GNG12: variants seen among roughly 807,000 people sequenced by gnomAD.
The protein encoded by GNG12 is G protein subunit gamma 12.
For synonymous variants in GNG12, 28 were observed against 29.7 expected, an observed-to-expected ratio of 0.94 and a Z score of 0.19; for missense variants, 69 against 83.8, an observed-to-expected ratio of 0.82 and a Z score of 0.69.
chr1:67,781,412 T>C (rs181750351), intron 1 of GNG12, among the ~76,000 whole-genome samples: 37 of 152,316 alleles, frequency 2.4e-4, no homozygotes, highest in Non-Finnish European at 5.3e-4. Context: ...CTAGGGATGG[T>C]TGTAGGTGCT....
chr1:67,813,830 CAATT>C (rs1212240783), intron 1 of GNG12, among the ~76,000 whole-genome samples: 33 of 151,964 alleles, frequency 2.2e-4, no homozygotes, highest in Middle Eastern at 3.4e-3. Context: ...AATTAAGTTC[CAATT>C]AATTAAAATG....
chr1:67,749,895 C>T (rs184083158), intron 2 of GNG12, among the ~76,000 whole-genome samples: 7 of 152,338 alleles, frequency 4.6e-5, no homozygotes, highest in Admixed American at 2.6e-4. Flanking sequence ...CTCTGCCTCT[C>T]AGGTGCTGAG....
At chr1:67,748,586 A>T (rs1646520240) in intron 2 of GNG12, among the ~76,000 whole-genome samples, 1 of 152,092 alleles carries the variant, frequency 6.6e-6, no homozygotes, top group Non-Finnish European at 1.5e-5. Flanking sequence ...TTTTATTCGC[A>T]CCCTCTAAGA....
At chr1:67,824,237 C>A (rs554172272) in intron 1 of GNG12, among the ~76,000 whole-genome samples, 1 of 151,988 alleles carries the variant, frequency 6.6e-6, no homozygotes. Flanking sequence ...GGGCTGGGCA[C>A]GGTGGATCAG....
chr1:67,715,689 G>A (rs1238663359), intron 2 of GNG12, among the ~76,000 whole-genome samples: 5 of 152,100 alleles, frequency 3.3e-5, no homozygotes, highest in African/African-American at 7.2e-5. Flanking sequence ...GGACTGTATC[G>A]TGGGCCTGCT....
At chr1:67,830,671 C>G (rs571541257) in intron 1 of GNG12, among the ~76,000 whole-genome samples, 1 of 152,208 alleles carries the variant, frequency 6.6e-6, no homozygotes, top group Non-Finnish European at 1.5e-5. Context: ...GTCAAAATTA[C>G]TATGCAACTG....
chr1:67,703,428 T>C lies in GNG12; in HGVS notation c.*2023A>G, dbSNP rs989827856. 9 of 152,304 alleles carry C rather than the reference T, an allele frequency of 5.9e-5. No homozygotes were observed. Among genetic ancestry groups the C allele is most frequent in the Admixed American group, 5.2e-4 (8 of 15,300 alleles). 9.4% of individuals were successfully genotyped at this position (152,304 alleles called of 1,614,324 possible). A position where few individuals can be genotyped will look rare whatever the true frequency, so the allele number is the denominator to read the frequency against. On this transcript the variant is annotated 3_prime_UTR_variant, in exon 4 of 4. Transcript: ENST00000370982. ...AAATATTTTGAAAGAAGCTACATTA[T>C]AAATATTTAAAGAAACGTTAAAAAT...
intron 1 of GNG12, among the ~76,000 whole-genome samples, chr1:67,798,844 C>T (rs533664582): frequency 9.1e-4 from 138 of 152,182 alleles, no homozygotes; most frequent in African/African-American, 3.2e-3. Flanking sequence ...GTCCCAGCTA[C>T]TCGGGAGGCT....
intron 1 of GNG12, among the ~76,000 whole-genome samples, chr1:67,783,122 G>A (rs973703483): frequency 3.3e-5 from 5 of 152,114 alleles, no homozygotes; most frequent in South Asian, 2.1e-4. Context: ...CCACTAGGAC[G>A]AACTCCATGA....
intron 2 of GNG12, among the ~76,000 whole-genome samples, chr1:67,736,948 G>A (rs1450608728): frequency 6.6e-6 from 1 of 152,210 alleles, no homozygotes; most frequent in East Asian, 1.9e-4. Flanking sequence ...TTTTGCAGAT[G>A]TGTAAACTGA....
At chr1:67,771,497 T>C (rs974499370) in intron 2 of GNG12, among the ~76,000 whole-genome samples, 1 of 152,248 alleles carries the variant, frequency 6.6e-6, no homozygotes, top group African/African-American at 2.4e-5. Flanking sequence ...GCAAAACTTT[T>C]GCGACTGAAG....
At chr1:67,800,993 T>C (rs1192053861) in intron 1 of GNG12, among the ~76,000 whole-genome samples, 1 of 150,426 alleles carries the variant, frequency 6.6e-6, no homozygotes, top group Non-Finnish European at 1.5e-5. Flanking sequence ...CTAGGAGACC[T>C]TTTCGTTTGA....
intron 1 of GNG12, among the ~76,000 whole-genome samples, chr1:67,825,533 A>T (rs2246684): frequency 0.29 from 44,030 of 152,048 alleles, 6,515 homozygotes; most frequent in Admixed American, 0.35. Flanking sequence ...TAAAAAAGCA[A>T]GAAAGTAGTA....
At chr1:67,737,040 A>C (rs1011727820) in intron 2 of GNG12, among the ~76,000 whole-genome samples, 1 of 152,252 alleles carries the variant, frequency 6.6e-6, no homozygotes, top group African/African-American at 2.4e-5. Flanking sequence ...AGAATTGTGG[A>C]TATTCAGATG....
intron 1 of GNG12, among the ~76,000 whole-genome samples, chr1:67,819,392 G>A (rs145602363): frequency 2.7e-4 from 41 of 152,294 alleles, no homozygotes; most frequent in African/African-American, 8.7e-4. Context: ...AAATTCTACA[G>A]ACTGTGATCT....
At chr1:67,758,703 T>C (rs148196173) in intron 2 of GNG12, among the ~76,000 whole-genome samples, 22 of 152,290 alleles carry the variant, frequency 1.4e-4, no homozygotes, top group Non-Finnish European at 2.4e-4. Context: ...GAGAAAAACA[T>C]GAAGCAAATA....
chr1:67,792,433 G>T (rs1453973101), intron 1 of GNG12, among the ~76,000 whole-genome samples: 1 of 152,172 alleles, frequency 6.6e-6, no homozygotes, highest in Non-Finnish European at 1.5e-5. Context: ...GATAAGGCAT[G>T]ATTTTTAAAC....
Position 67,705,477 on chromosome 1 carries a change from C to T in GNG12, c.193G>A (p.Asp65Asn). ...TATAAGATGATGCAAGTTTTTTTAT[C>T]CTTGAAAGGGTTTTCTGAAGTTGGT... is the stretch of plus-strand genomic sequence containing the variant. ...GIPTSENPFK[D>N]KKTCIIL Residue 65 changes from aspartate to asparagine, a missense_variant, in exon 4 of 4, where the codon GAT becomes AAT. Asp to Asn is a conservative substitution (Grantham distance 23, BLOSUM62 1). Coordinates refer to ENST00000370982, the MANE Select transcript of GNG12 (RefSeq NM_018841.6). The T allele has an allele frequency of 6.2e-7, 1 of 1,613,922 alleles. No homozygotes were observed. The highest frequency in any genetic ancestry group is 8.5e-7 in the Non-Finnish European group (1 of 1,179,922).
Position 67,830,838 on chromosome 1 carries a change from G to A in GNG12, c.-77+2506C>T, listed in dbSNP as rs150648970. ...ATTGCTCTATCTAGCATTTCCGGAAGGTTCAAGCTGCCACCCTGCAATTTA... is the reference window on the plus strand; with the variant it reads ...ATTGCTCTATCTAGCATTTCCGGAAAGTTCAAGCTGCCACCCTGCAATTTA... On this transcript the variant is annotated intron_variant, in intron 1 of 3. Transcript: ENST00000370982. Among the ~76,000 whole-genome samples the A allele has an allele frequency of 3.1e-3, 470 of 152,194 alleles. 4 individuals are homozygous for A. Among genetic ancestry groups the A allele is most frequent in the Non-Finnish European group, 5.4e-3 (367 of 68,016 alleles).
Sources: allele counts gnomAD v4.1 joint callset (sites outside exome capture counted in the v4.1 genomes callset), GRCh38; gene constraint gnomAD v4.1.1; transcripts MANE v1.5; gene names NCBI Gene and HGNC (gene_info 2026-07-23, HGNC 2026-07-21).